RAD51B: variants seen among roughly 807,000 people sequenced by gnomAD.
RAD51B encodes DNA repair protein RAD51 homolog 2.
RAD51B carries 38 observed loss-of-function variants against 42.2 expected under a neutral mutation model. The ratio of observed to expected loss-of-function variants is 0.90; its 90% CI spans 0.70 to 1.18. The LOEUF is 1.18. RAD51B is among the 50% of genes most tolerant of loss of function. The pLI, the probability that RAD51B is intolerant of heterozygous loss-of-function variation, is 0.00. For synonymous variants in RAD51B, 154 were observed against 145.2 expected (o/e 1.06, Z -0.43); for missense variants, 373 against 400.7 (o/e 0.93, Z 0.59).
intron 9 of RAD51B, among the ~76,000 whole-genome samples, chr14:68,433,566 C>T (rs1301651968): frequency 3.3e-5 from 5 of 152,332 alleles, no homozygotes; most frequent in Admixed American, 1.3e-4. Context: ...GCATTCATCA[C>T]GTAGTTCTCA....
At chr14:68,214,013 A>C (rs778181925) in intron 7 of RAD51B, among the ~76,000 whole-genome samples, 1 of 152,190 alleles carries the variant, frequency 6.6e-6, no homozygotes, top group Non-Finnish European at 1.5e-5. Flanking sequence ...CAGTAAAACC[A>C]TATTAGAGAA....
chr14:68,653,772 G>A (rs1892751591), intron 11 of RAD51B, among the ~76,000 whole-genome samples: 1 of 152,240 alleles, frequency 6.6e-6, no homozygotes, highest in Non-Finnish European at 1.5e-5. Flanking sequence ...CATGCACAGA[G>A]GGCACTGGAG....
intron 7 of RAD51B, among the ~76,000 whole-genome samples, chr14:68,114,799 A>G (rs1213669864): frequency 6.6e-6 from 1 of 152,190 alleles, no homozygotes; most frequent in African/African-American, 2.4e-5. Context: ...GTTAATACAT[A>G]GCAGATACTG....
intron 8 of RAD51B, among the ~76,000 whole-genome samples, chr14:68,336,260 A>G (rs2082453109): frequency 1.3e-5 from 2 of 152,214 alleles, no homozygotes; most frequent in South Asian, 2.1e-4. Flanking sequence ...TAAACCACTT[A>G]TCTCTCAAAA....
intron 10 of RAD51B, among the ~76,000 whole-genome samples, chr14:68,601,146 A>G (rs1891200971): frequency 6.6e-6 from 1 of 152,144 alleles, no homozygotes; most frequent in South Asian, 2.1e-4. Context: ...ACCTGGCCCC[A>G]AGATCCCTCT....
intron 7 of RAD51B, among the ~76,000 whole-genome samples, chr14:67,889,382 G>A (rs1429297768): frequency 6.7e-6 from 1 of 149,452 alleles, no homozygotes; most frequent in Non-Finnish European, 1.5e-5. Context: ...CTTTGAACAG[G>A]CACCATAGTA....
chr14:68,650,228 T>TCACA (rs1892673159), intron 10 of RAD51B, among the ~76,000 whole-genome samples: 1 of 152,246 alleles, frequency 6.6e-6, no homozygotes. Context: ...TCATCCATTT[T>TCACA]GAATATTCAA....
intron 10 of RAD51B, among the ~76,000 whole-genome samples, chr14:68,514,340 T>C (rs1435130877): frequency 1.3e-5 from 2 of 152,180 alleles, no homozygotes; most frequent in Non-Finnish European, 2.9e-5. Flanking sequence ...GGCCCAATAA[T>C]GCAGTCTGGA....
chr14:68,257,332 T>C (rs1271999463), intron 7 of RAD51B, among the ~76,000 whole-genome samples: 2 of 152,158 alleles, frequency 1.3e-5, no homozygotes, highest in East Asian at 3.8e-4. Flanking sequence ...TACTCATAAA[T>C]GGTTAAAATT....
chr14:68,427,498 T>C (rs1036506338), intron 9 of RAD51B, among the ~76,000 whole-genome samples: 1 of 152,214 alleles, frequency 6.6e-6, no homozygotes, highest in African/African-American at 2.4e-5. Flanking sequence ...GAGCCTTATT[T>C]GAGGTTGTTT....
intron 7 of RAD51B, among the ~76,000 whole-genome samples, chr14:68,053,343 C>T (rs758031111): frequency 2.8e-4 from 43 of 152,290 alleles, no homozygotes; most frequent in Non-Finnish European, 5.0e-4. Context: ...CTAAGTGAAT[C>T]TTTGACATAA....
chr14:68,008,153 A>G (rs1030503426), intron 7 of RAD51B, among the ~76,000 whole-genome samples: 1 of 151,928 alleles, frequency 6.6e-6, no homozygotes, highest in Admixed American at 6.6e-5. Context: ...CTGAGAAAAT[A>G]ATCATTATTT....
intron 10 of RAD51B, among the ~76,000 whole-genome samples, chr14:68,608,524 G>A (rs1243170390): frequency 6.6e-6 from 1 of 152,220 alleles, no homozygotes; most frequent in Non-Finnish European, 1.5e-5. Flanking sequence ...CTAGAATGGG[G>A]CTTTAACCTC....
At chr14:68,442,435 CTTTTTTTTT>C (rs774360651) in intron 9 of RAD51B, among the ~76,000 whole-genome samples, 1 of 68,406 alleles carries the variant, frequency 1.5e-5, no homozygotes, top group African/African-American at 5.9e-5. Context: ...AGGCATTGTG[CTTTTTTTTT>C]TTTTTTTTTT....
chr14:68,337,454 C>A (rs968154590), intron 8 of RAD51B, among the ~76,000 whole-genome samples: 3 of 152,212 alleles, frequency 2.0e-5, no homozygotes, highest in African/African-American at 7.2e-5. Flanking sequence ...TTGTAGCATG[C>A]AGCTTTGTGG....
At chr14:67,986,255 C>A (rs2075190814) in intron 7 of RAD51B, among the ~76,000 whole-genome samples, 1 of 152,220 alleles carries the variant, frequency 6.6e-6, no homozygotes, top group African/African-American at 2.4e-5. Context: ...AAAGTTCTTA[C>A]ATATCCCATG....
intron 8 of RAD51B, among the ~76,000 whole-genome samples, chr14:68,340,970 AT>A (rs764904451): frequency 7.2e-4 from 109 of 152,368 alleles, no homozygotes; most frequent in Non-Finnish European, 1.4e-3. Context: ...ACAATTTCAA[AT>A]TATAATTTTG....
At chr14:67,912,766 C>T (rs562114235) in intron 7 of RAD51B, among the ~76,000 whole-genome samples, 17 of 150,106 alleles carry the variant, frequency 1.1e-4, no homozygotes, top group Admixed American at 1.3e-4. Context: ...AGTGCAGTGG[C>T]GCGATCTCGG....
chr14:68,244,475 G>A (rs1192583410), intron 7 of RAD51B, among the ~76,000 whole-genome samples: 1 of 152,216 alleles, frequency 6.6e-6, no homozygotes, highest in Non-Finnish European at 1.5e-5. Context: ...AGCTGCTTCA[G>A]TATTGTCTTC....
Sources: allele counts gnomAD v4.1 joint callset (sites outside exome capture counted in the v4.1 genomes callset), GRCh38; gene constraint gnomAD v4.1.1; transcripts MANE v1.5; gene names NCBI Gene and HGNC (gene_info 2026-07-23, HGNC 2026-07-21).